FAM193A: variants seen among roughly 807,000 people sequenced by gnomAD.
The protein encoded by FAM193A is protein FAM193A.
In FAM193A, 22 loss-of-function variants were observed where a neutral mutation model predicts 126.5. The ratio of observed to expected loss-of-function variants is 0.17; its 90% CI spans 0.12 to 0.25. The LOEUF is 0.25. FAM193A is among the 10% of genes least tolerant of loss of function. FAM193A has a pLI of 1.00. For synonymous variants in FAM193A, 761 were observed against 646.8 expected, an observed-to-expected ratio of 1.18 and a Z score of -2.68; for missense variants, 1,675 against 1,672.8, an observed-to-expected ratio of 1.00 and a Z score of -0.02.
rs114030587 is a variant in FAM193A at position 2,577,782 on chromosome 4, T to C, written c.256-18302T>C. Among the ~76,000 whole-genome samples the C allele has an allele frequency of 5.2e-3, 788 of 152,300 alleles. 4 individuals carry two copies. The highest frequency in any genetic ancestry group is 0.018 in the African/African-American group (748 of 41,556). ...CTTGTTCCCATTCTGTTTAGGGCCT[T>C]TCTGAATTGATTTCTAATCTCAAGC... On this transcript the variant is annotated intron_variant, in intron 1 of 20. Transcript: ENST00000637812.
chr4:2,596,698 A>C (rs890977511), intron 2 of FAM193A, among the ~76,000 whole-genome samples: 3 of 152,158 alleles, frequency 2.0e-5, no homozygotes, highest in Non-Finnish European at 4.4e-5. Context: ...CGATGCTCTT[A>C]AGCCTCACCT....
intron 20 of FAM193A, among the ~76,000 whole-genome samples, chr4:2,727,769 G>C (rs934173100): frequency 6.6e-6 from 1 of 151,996 alleles, no homozygotes; most frequent in Non-Finnish European, 1.5e-5. Context: ...CAGCTACTCC[G>C]CAGCCCACAG....
chr4:2,682,393 G>A (rs1011326711), intron 13 of FAM193A, among the ~76,000 whole-genome samples: 3 of 152,108 alleles, frequency 2.0e-5, no homozygotes, highest in Non-Finnish European at 4.4e-5. Flanking sequence ...TGAACTCCTA[G>A]CCTCAAGCAG....
intron 2 of FAM193A, chr4:2,608,153 A>T (rs996231037): frequency 1.3e-6 from 2 of 1,588,390 alleles, no homozygotes; most frequent in Admixed American, 1.8e-5. Flanking sequence ...GAAAATAAAA[A>T]AATAAAAATT....
chr4:2,683,944 G>A (rs958442066), intron 13 of FAM193A, among the ~76,000 whole-genome samples: 1 of 152,150 alleles, frequency 6.6e-6, no homozygotes, highest in African/African-American at 2.4e-5. Context: ...TTCCTTGGCC[G>A]TGTCGTCTCC....
chr4:2,646,963 G>C, intron 7 of FAM193A, 131 bp downstream of exon 7: 1 of 1,001,798 alleles, frequency 1.0e-6, no homozygotes, highest in South Asian at 1.8e-5. Context: ...AGGCGCATGT[G>C]GGTAGCCCCT....
upstream of FAM193A, among the ~76,000 whole-genome samples, chr4:2,535,482 C>T (rs553780185): frequency 6.6e-6 from 1 of 152,168 alleles, no homozygotes; most frequent in Non-Finnish European, 1.5e-5. Context: ...CTGACACCAC[C>T]GGTGGAACCA....
intron 1 of FAM193A, among the ~76,000 whole-genome samples, chr4:2,549,358 T>G (rs1490983749): frequency 6.6e-6 from 1 of 151,700 alleles, no homozygotes; most frequent in South Asian, 2.1e-4. Flanking sequence ...TAGCTCCAGG[T>G]TATGACGATT....
chr4:2,725,472 A>AG (rs1720630999), intron 20 of FAM193A, among the ~76,000 whole-genome samples: 1 of 150,830 alleles, frequency 6.6e-6, no homozygotes, highest in Admixed American at 6.6e-5. Flanking sequence ...AAAAAAAAAA[A>AG]AAAAGTAATC....
intron 18 of FAM193A, among the ~76,000 whole-genome samples, chr4:2,696,939 G>T (rs545462767): frequency 1.3e-5 from 2 of 152,226 alleles, no homozygotes; most frequent in South Asian, 4.1e-4. Flanking sequence ...ATAGAAGAAA[G>T]GCCCAGGTGG....
At chr4:2,576,652 C>T (rs1560454995) in intron 1 of FAM193A, among the ~76,000 whole-genome samples, 1 of 152,180 alleles carries the variant, frequency 6.6e-6, no homozygotes, top group Non-Finnish European at 1.5e-5. Flanking sequence ...TACAGGTGTG[C>T]ACCACCATGC....
At chr4:2,641,735 T>A (rs936999377) in intron 6 of FAM193A, among the ~76,000 whole-genome samples, 2 of 152,160 alleles carry the variant, frequency 1.3e-5, no homozygotes, top group African/African-American at 4.8e-5. Context: ...CAAATTTTAT[T>A]TGAGGGGTCC....
At chr4:2,663,028 C>T (rs1274234647) in intron 11 of FAM193A, 37 bp downstream of exon 11, 11 of 1,597,658 alleles carry the variant, frequency 6.9e-6, no homozygotes, top group African/African-American at 1.3e-5. Context: ...CAATAAATGA[C>T]ATAAAATGAT....
chr4:2,707,787 A>C (rs1339817897), intron 19 of FAM193A, among the ~76,000 whole-genome samples: 1 of 146,472 alleles, frequency 6.8e-6, no homozygotes, highest in Non-Finnish European at 1.5e-5. Flanking sequence ...ATCTCGGCTC[A>C]CTGCAACCTC....
chr4:2,630,885 C>A, intron 4 of FAM193A, 50 bp from the exon 5 acceptor site: 1 of 1,042,174 alleles, frequency 9.6e-7, no homozygotes, highest in Non-Finnish European at 1.4e-6. Flanking sequence ...GACATCAGAG[C>A]ACCCATGGGC....
rs138681235 is a variant in FAM193A at position 2,587,908 on chromosome 4, G to T, written c.256-8176G>T. On this transcript the variant is annotated intron_variant, in intron 1 of 20. Transcript: ENST00000637812. ...ATGCAGGAAAGAAAGAGAAAGTGATGATATGAGAAGAGGACAGAATCAGTG... is the reference window on the plus strand; with the variant it reads ...ATGCAGGAAAGAAAGAGAAAGTGATTATATGAGAAGAGGACAGAATCAGTG... 1.3e-3 allele frequency among the ~76,000 whole-genome samples: 198 copies of T among 152,244 alleles called. 2 individuals carry two copies. The highest frequency in any genetic ancestry group is 2.4e-3 in the Non-Finnish European group (160 of 68,024).
intron 1 of FAM193A, among the ~76,000 whole-genome samples, chr4:2,578,895 A>G (rs1483163691): frequency 6.6e-6 from 1 of 151,694 alleles, no homozygotes; most frequent in Non-Finnish European, 1.5e-5. Context: ...GAGGAGGCGG[A>G]AGAGGAGAGG....
chr4:2,693,491 TGAATG>T, intron 15 of FAM193A, 90 bp from the exon 16 acceptor site: 4 of 1,180,724 alleles, frequency 3.4e-6, no homozygotes, highest in Non-Finnish European at 4.9e-6. Context: ...AGGTGAAGGA[TGAATG>T]GGTACTCTTT....
intron 2 of FAM193A, among the ~76,000 whole-genome samples, chr4:2,612,776 A>G (rs1560481646): frequency 6.6e-6 from 1 of 152,226 alleles, no homozygotes; most frequent in Non-Finnish European, 1.5e-5. Context: ...CCCACTTTAC[A>G]TATATTCCTA....
Sources: allele counts gnomAD v4.1 joint callset (sites outside exome capture counted in the v4.1 genomes callset), GRCh38; gene constraint gnomAD v4.1.1; transcripts MANE v1.5; gene names NCBI Gene and HGNC (gene_info 2026-07-23, HGNC 2026-07-21).